The following SND1 variants were observed in gnomAD, a reference collection of about 807,000 sequenced individuals.
SND1 encodes the protein staphylococcal nuclease domain-containing protein 1.
A neutral mutation model predicts 121.7 loss-of-function variants in SND1; 38 were observed. The observed-to-expected ratio is 0.31, with a 90% confidence interval of 0.24 to 0.41. The LOEUF (loss-of-function observed/expected upper bound fraction) is 0.41, where lower values mean the gene tolerates loss of function less well. Ranked by LOEUF, SND1 falls within the 10% of genes least tolerant of loss-of-function variation. The pLI is 1.00. For missense variants in SND1, 868 were observed against 1,184.6 expected (o/e 0.73, Z 3.92); for synonymous variants, 401 against 447.4 (o/e 0.90, Z 1.31).
At chr7:128,001,146 A>G (rs1286164757) in intron 16 of SND1, among the ~76,000 whole-genome samples, 1 of 152,222 alleles carries the variant, frequency 6.6e-6, no homozygotes, top group East Asian at 1.9e-4. Flanking sequence ...GAAAGTGACC[A>G]ATGGTCTGTT....
intron 15 of SND1, among the ~76,000 whole-genome samples, chr7:127,935,426 G>A (rs1224983084): frequency 6.6e-6 from 1 of 152,162 alleles, no homozygotes; most frequent in Non-Finnish European, 1.5e-5. Context: ...ATTGGCAAAT[G>A]AGGTTATAAA....
chr7:127,887,865 A>T (rs1799940970), intron 12 of SND1, 37 bp from the exon 13 acceptor site: 1 of 1,399,624 alleles, frequency 7.1e-7, no homozygotes, highest in African/African-American at 1.4e-5. Context: ...CCCCATATGC[A>T]CTTCTAGTGC....
intron 14 of SND1, chr7:127,928,150 T>C (rs1478625686): frequency 1.3e-5 from 2 of 152,228 alleles, no homozygotes; most frequent in African/African-American, 2.4e-5. Flanking sequence ...CTCTGGAGGA[T>C]AGAGCACACA....
intron 12 of SND1, among the ~76,000 whole-genome samples, chr7:127,858,954 C>T (rs1364908186): frequency 1.3e-5 from 2 of 152,142 alleles, no homozygotes; most frequent in Non-Finnish European, 2.9e-5. Context: ...TTTATGTATA[C>T]CTGCATTTAC....
chr7:127,652,519 C>T, intron 1 of SND1, 68 bp downstream of exon 1: 4 of 1,298,622 alleles, frequency 3.1e-6, no homozygotes, highest in East Asian at 2.6e-5. Flanking sequence ...TTGACTCCAC[C>T]TTCCGCCAGC....
chr7:127,777,117 T>G (rs1285297556), intron 10 of SND1, among the ~76,000 whole-genome samples: 3 of 152,220 alleles, frequency 2.0e-5, no homozygotes, highest in African/African-American at 7.2e-5. Context: ...TAAGAAGTTA[T>G]TCAGTGACCC....
intron 14 of SND1, among the ~76,000 whole-genome samples, chr7:127,906,133 A>G (rs1386302981): frequency 6.6e-6 from 1 of 152,160 alleles, no homozygotes; most frequent in Non-Finnish European, 1.5e-5. Context: ...TATAGGTTAA[A>G]CAATGTTACC....
intron 15 of SND1, among the ~76,000 whole-genome samples, chr7:127,975,845 A>AC (rs1277149873): frequency 6.6e-6 from 1 of 152,060 alleles, no homozygotes; most frequent in Non-Finnish European, 1.5e-5. Flanking sequence ...CCACTCTGAC[A>AC]CCCCCACAGA....
intron 15 of SND1, among the ~76,000 whole-genome samples, chr7:127,964,672 T>C (rs1272974103): frequency 6.6e-6 from 1 of 151,472 alleles, no homozygotes; most frequent in Non-Finnish European, 1.5e-5. Flanking sequence ...GTAGTATAGT[T>C]TGAAGTCAGG....
At chr7:127,889,115 A>G (rs1278440628) in intron 13 of SND1, among the ~76,000 whole-genome samples, 1 of 152,090 alleles carries the variant, frequency 6.6e-6, no homozygotes, top group African/African-American at 2.4e-5. Flanking sequence ...GCTTTTCCCA[A>G]TAGACCCTGT....
chr7:127,809,211 A>G (rs114188861), intron 11 of SND1, among the ~76,000 whole-genome samples: 7 of 152,314 alleles, frequency 4.6e-5, no homozygotes, highest in Admixed American at 2.6e-4. Flanking sequence ...TTCTTAATCA[A>G]TTAGGTTCCC....
intron 16 of SND1, among the ~76,000 whole-genome samples, chr7:128,068,163 G>A (rs536420951): frequency 8.8e-4 from 134 of 152,124 alleles, no homozygotes; most frequent in African/African-American, 2.9e-3. Flanking sequence ...TCAACCCCCA[G>A]GGCAGTCAGA....
At chr7:127,936,984 G>A (rs2116832122) in intron 15 of SND1, among the ~76,000 whole-genome samples, 1 of 152,376 alleles carries the variant, frequency 6.6e-6, no homozygotes, top group African/African-American at 2.4e-5. Context: ...AGTTCAGGAA[G>A]TGGCCCTGTT....
intron 10 of SND1, among the ~76,000 whole-genome samples, chr7:127,774,098 A>G (rs1202230611): frequency 6.6e-6 from 1 of 152,204 alleles, no homozygotes; most frequent in Non-Finnish European, 1.5e-5. Context: ...AAAGTTAACT[A>G]TAAAACAGCC....
intron 16 of SND1, among the ~76,000 whole-genome samples, chr7:128,016,511 G>A (rs1030079901): frequency 2.0e-5 from 3 of 152,144 alleles, no homozygotes; most frequent in Non-Finnish European, 2.9e-5. Context: ...TGCTGGAGTG[G>A]GCATGGGGCC....
intron 15 of SND1, among the ~76,000 whole-genome samples, chr7:127,953,654 A>G (rs556993307): frequency 3.3e-4 from 51 of 152,360 alleles, no homozygotes; most frequent in African/African-American, 1.2e-3. Flanking sequence ...AGTAAAAGAA[A>G]TGTCAAGTAA....
chr7:128,027,382 G>A (rs186426299), intron 16 of SND1: 1 of 152,382 alleles, frequency 6.6e-6, no homozygotes, highest in East Asian at 2.0e-4. Context: ...AACTCCATGT[G>A]TGCATGCGTG....
intron 10 of SND1, among the ~76,000 whole-genome samples, chr7:127,796,008 T>C (rs1010364089): frequency 6.6e-5 from 10 of 151,938 alleles, no homozygotes; most frequent in African/African-American, 1.2e-4. Flanking sequence ...CGGGCGCCCA[T>C]CACCACTACC....
At chr7:127,829,844 A>G (rs1312542688) in intron 11 of SND1, among the ~76,000 whole-genome samples, 2 of 152,210 alleles carry the variant, frequency 1.3e-5, no homozygotes, top group Non-Finnish European at 2.9e-5. Context: ...ATAGGGATCT[A>G]TAGGTGGTTG....
Sources: allele counts gnomAD v4.1 joint callset (sites outside exome capture counted in the v4.1 genomes callset), GRCh38; gene constraint gnomAD v4.1.1; transcripts MANE v1.5; gene names NCBI Gene and HGNC (gene_info 2026-07-23, HGNC 2026-07-21).